The following ZNF24 variants were observed in gnomAD, a reference collection of about 807,000 sequenced individuals.
ZNF24 encodes zinc finger protein 24, also known as retinoic acid suppression protein A.
A neutral mutation model predicts 40.9 loss-of-function variants in ZNF24; 11 were observed. The ratio of observed to expected loss-of-function variants is 0.27; its 90% confidence interval spans 0.17 to 0.45. ZNF24 has a LOEUF of 0.45. Among genes scored for constraint, ZNF24 ranks in the 20% least tolerant of loss-of-function variants. The probability of loss-of-function intolerance (pLI) is 1.00; values close to 1 mark genes in which losing one functional copy is unlikely to be tolerated. For missense variants in ZNF24, 293 were observed against 437.7 expected (o/e 0.67, Z 2.95); for synonymous variants, 139 against 154.7 (o/e 0.90, Z 0.75).
Position 35,332,363 on chromosome 18 carries a change from T to C in ZNF24, c.*4869A>G, listed in dbSNP as rs1006636764. ...TCAGAACAGAAACTCAATTCAATTA[T>C]CTTAAACAAGAAAGGGACTTTATTG... On this transcript the variant is annotated 3_prime_UTR_variant, in exon 4 of 4. Transcript: ENST00000261332. The C allele has an allele frequency of 1.1e-4, 16 of 152,338 alleles. No individual in the cohort carries two copies. Among genetic ancestry groups the C allele is most frequent in the African/African-American group, 3.6e-4 (15 of 41,570 alleles). 9.4% of individuals were successfully genotyped at this position (152,338 alleles called of 1,614,324 possible). A position where few individuals can be genotyped will look rare whatever the true frequency, so the allele number is the denominator to read the frequency against.
chr18:35,338,262 A>C (rs1039759281), intron 3 of ZNF24: 1 of 985,678 alleles, frequency 1.0e-6, no homozygotes, highest in African/African-American at 1.7e-5. Context: ...AGCCAATGTT[A>C]GCCTAAAAGC....
rs531655410 is a variant in ZNF24 at position 35,338,904 on chromosome 18, G to A, written c.568+925C>T. 6.3e-6 allele frequency: 9 copies of A among 1,429,216 alleles called. No homozygotes were observed. The East Asian group carries it at 1.3e-4, about 20-fold the overall frequency. The allele number at this position is 1,429,216 out of a possible 1,614,324, so 88.5% of individuals were successfully genotyped here. On this transcript the variant is annotated intron_variant, in intron 3 of 3. Transcript: ENST00000261332. ...AGAATGATACTTCTCAAACTTTATTGCACAGAAGAATGTCCCATGAAACAT... is the reference window on the plus strand; with the variant it reads ...AGAATGATACTTCTCAAACTTTATTACACAGAAGAATGTCCCATGAAACAT...
Position 35,337,827 on chromosome 18 carries a change from T to TA in ZNF24, c.569-58dup, listed in dbSNP as rs869251561. 76 of 1,460,018 alleles carry TA rather than the reference T, an allele frequency of 5.2e-5. No individual in the cohort carries two copies. The South Asian group carries it at 8.9e-4, about 17-fold the overall frequency. The allele number at this position is 1,460,018 out of a possible 1,614,324, so 90.4% of individuals were successfully genotyped here. ...ATTATCTATTAAGGGAAAAGAAACC[T>TA]AAAAAAAATTTTTTTTTTAATGAAC... On this transcript the variant is annotated intron_variant, in intron 3 of 3. Coordinates refer to ENST00000261332, the MANE Select transcript of ZNF24 (RefSeq NM_006965.4).
chr18:35,343,719 CT>C (rs2044990055), intron 1 of ZNF24: 1 of 152,240 alleles, frequency 6.6e-6, no homozygotes, highest in South Asian at 2.1e-4. Context: ...ATAATTTTCT[CT>C]TCCTTTTATG....
Position 35,340,233 on chromosome 18 carries a change from G to T in ZNF24, c.418C>A (p.Pro140Thr). The T allele has an allele frequency of 6.2e-7, 1 of 1,609,512 alleles. No homozygotes were observed. ...LESELDDPGQ[P>T]VSLRRRKREV... ...GGAAATGACACAAGCAGGCTCACCG[G>T]TTGTCCAGGGTCATCAAGTTCACTC... Residue 140 changes from proline to threonine, a missense_variant and splice_region_variant, in exon 2 of 4, where the codon CCG becomes ACG. Transcript: ENST00000261332. This position sits in a 1 kb window ranked among gnomAD's most constrained non-coding sequence, Gnocchi z 4.6.
At chr18:35,339,349 G>C (rs2044943315) in intron 3 of ZNF24, among the ~76,000 whole-genome samples, 1 of 152,144 alleles carries the variant, frequency 6.6e-6, no homozygotes, top group Non-Finnish European at 1.5e-5. Flanking sequence ...TTCTACAAAA[G>C]AAGCTTCTTA....
intron 3 of ZNF24, among the ~76,000 whole-genome samples, chr18:35,339,563 G>C (rs2044945411): frequency 6.6e-6 from 1 of 152,192 alleles, no homozygotes; most frequent in African/African-American, 2.4e-5. Context: ...TGGTCCATGG[G>C]TGGGTGCTGG....
In ZNF24 at chr18:35,336,712, T is replaced by A. The variant is rs2044914310; in HGVS notation, c.*520A>T. The A allele has an allele frequency of 6.6e-6, 1 of 152,228 alleles. No homozygotes were observed. The highest frequency in any genetic ancestry group is 1.5e-5 in the Non-Finnish European group (1 of 68,052). 9.4% of individuals were successfully genotyped at this position (152,228 alleles called of 1,614,324 possible). On this transcript the variant is annotated 3_prime_UTR_variant, in exon 4 of 4. Coordinates refer to ENST00000261332, the MANE Select transcript of ZNF24 (RefSeq NM_006965.4). ...CTTATCTGAGATCTTATGGTTCATT[T>A]TGAGGCTCTTAGCCATCCTTTATCC...
At position 35,333,341 on chromosome 18, in the gene ZNF24, T is replaced by G. The variant is rs542088519; in HGVS notation, c.*3891A>C. The G allele has an allele frequency of 1.3e-5, 2 of 152,210 alleles. No homozygotes were observed. Among genetic ancestry groups the G allele is most frequent in the Admixed American group, 6.5e-5 (1 of 15,282 alleles). 9.4% of individuals were successfully genotyped at this position (152,210 alleles called of 1,614,324 possible). Reference sequence around the variant, plus strand: ...CCTATTTATGTAAAAAGTGTTTTTATGTGTATGTATATTCGTACGGAAAGG... The same window carrying G: ...CCTATTTATGTAAAAAGTGTTTTTAGGTGTATGTATATTCGTACGGAAAGG... On this transcript the variant is annotated 3_prime_UTR_variant, in exon 4 of 4. Coordinates refer to ENST00000261332, the MANE Select transcript of ZNF24 (RefSeq NM_006965.4).
At chr18:35,344,073 C>G (rs2044994105) in intron 1 of ZNF24, 1 of 152,408 alleles carries the variant, frequency 6.6e-6, no homozygotes, top group Non-Finnish European at 1.5e-5. Flanking sequence ...CGCGAGACGC[C>G]AGGGCCTCGA....
Position 35,340,794 on chromosome 18 carries a change from A to T in ZNF24, c.-83-61T>A, listed in dbSNP as rs2044962187. 2 of 724,190 alleles carry T rather than the reference A, an allele frequency of 2.8e-6. No homozygotes were observed. The highest frequency in any genetic ancestry group is 4.4e-5 in the South Asian group (2 of 45,752). 44.9% of individuals were successfully genotyped at this position (724,190 alleles called of 1,614,324 possible). On this transcript the variant is annotated intron_variant, in intron 1 of 3. Transcript: ENST00000261332. The surrounding 1 kb of genome is among the most constrained non-coding windows in gnomAD (Gnocchi z 4.6). ...AAAAATATCCTAAGAATTTGAACTT[A>T]TACTGGTAAAAGTAAAAGATACTTG...
rs2044957426 is a variant in ZNF24 at position 35,340,470 on chromosome 18, G to C, written c.181C>G (p.Gln61Glu). The change falls in exon 2 of 4, where the codon CAG becomes GAG. Residue 61 changes from glutamine to glutamate, a missense_variant. Coordinates refer to ENST00000261332, the MANE Select transcript of ZNF24 (RefSeq NM_006965.4). The surrounding 1 kb of genome is among the most constrained non-coding windows in gnomAD (Gnocchi z 4.6). ...FRQRFRQFGY[Q>E]DSPGPREAVS... ...GCCTCACGGGGCCCAGGTGAATCCT[G>C]GTATCCAAACTGCCTGAATCGCTGT... is the stretch of plus-strand genomic sequence containing the variant. 1.2e-6 allele frequency: 2 copies of C among 1,614,212 alleles called. No homozygotes were observed. Among genetic ancestry groups the C allele is most frequent in the Non-Finnish European group, 1.7e-6 (2 of 1,180,036 alleles).
chr18:35,340,828 G>GT lies in ZNF24; in HGVS notation c.-83-96dup. 1.6e-6 allele frequency: 1 copy of GT among 632,434 alleles called. No individual in the cohort carries two copies. 39.2% of individuals were successfully genotyped at this position (632,434 alleles called of 1,614,324 possible). On this transcript the variant is annotated intron_variant, in intron 1 of 3. Transcript: ENST00000261332. The surrounding 1 kb of genome is among the most constrained non-coding windows in gnomAD (Gnocchi z 4.6). Reference sequence around the variant, plus strand: ...AAAGTAAAAGATACTTGTTCTTTGAGTTAAAAATTCCAATCAATAACCTAC... The same window carrying GT: ...AAAGTAAAAGATACTTGTTCTTTGAGTTTAAAAATTCCAATCAATAACCTAC...
rs747053513 is a variant in ZNF24, at chr18:35,339,846, T to C, written c.551A>G (p.His184Arg). 1 of 1,608,792 alleles carries C rather than the reference T, an allele frequency of 6.2e-7. No homozygotes were observed. The highest frequency in any genetic ancestry group is 1.1e-5 in the South Asian group (1 of 90,904). Reference protein sequence around the residue: ...NQLKWASWELHSLRHCDDDGR... With the variant: ...NQLKWASWELRSLRHCDDDGR... ...GTCCTCACCACAGTGCCTTAGGGAA[T>C]GGAGCTCCCAGGATGCCCACTTGAG... The change falls in exon 3 of 4, where the codon CAT (histidine) becomes CGT (arginine). Residue 184 changes from histidine to arginine, a missense_variant. This residue lies in a region of ZNF24 where 234 missense variants were observed against 299.2 expected (regional missense o/e 0.78). Coordinates refer to ENST00000261332, the MANE Select transcript of ZNF24 (RefSeq NM_006965.4).
Position 35,340,979 on chromosome 18 carries a change from G to A in ZNF24, c.-83-246C>T, listed in dbSNP as rs35775219. On this transcript the variant is annotated intron_variant, in intron 1 of 3. Coordinates refer to ENST00000261332, the MANE Select transcript of ZNF24 (RefSeq NM_006965.4). The surrounding 1 kb of genome is among the most constrained non-coding windows in gnomAD (Gnocchi z 4.6). ...TGTGGTCTTCATCACAGTGCCTTAC[G>A]GAGCGGAGATCCCTAAAATCAAATG... 0.28 allele frequency among the ~76,000 whole-genome samples: 42,902 copies of A among 151,908 alleles called. 7,147 individuals are homozygous for A. The highest frequency in any genetic ancestry group is 0.38 in the Non-Finnish European group (25,851 of 67,942).
In ZNF24 at chr18:35,340,192, C is replaced by T; in HGVS notation, c.420+39G>A. 1 of 1,596,776 alleles carries T rather than the reference C, an allele frequency of 6.3e-7. No homozygotes were observed. Among genetic ancestry groups the T allele is most frequent in the Non-Finnish European group, 8.6e-7 (1 of 1,168,082 alleles). On this transcript the variant is annotated intron_variant, in intron 2 of 3. Coordinates refer to ENST00000261332, the MANE Select transcript of ZNF24 (RefSeq NM_006965.4). The surrounding 1 kb of genome is among the most constrained non-coding windows in gnomAD (Gnocchi z 4.6). ...CAGCAGCTTTGCCTACTACCTATGC[C>T]AGTGCTTCTGACACAGGAAATGACA... is the stretch of plus-strand genomic sequence containing the variant.
chr18:35,339,696 C>A, intron 3 of ZNF24, 133 bp downstream of exon 3: 1 of 774,592 alleles, frequency 1.3e-6, no homozygotes, highest in African/African-American at 1.8e-5. Context: ...GCAAAATCAA[C>A]TTAATCAGAA....
Position 35,339,960 on chromosome 18 carries a change from C to T in ZNF24, c.437G>A (p.Arg146Gln), listed in dbSNP as rs771074537. 16 of 1,608,964 alleles carry T rather than the reference C, an allele frequency of 9.9e-6. No homozygotes were observed. The highest frequency in any genetic ancestry group is 6.7e-5 in the East Asian group (3 of 44,670). The change falls in exon 3 of 4, where the codon CGA becomes CAA. Residue 146 changes from arginine to glutamine, a missense_variant. Physicochemically the swap from Arg to Gln is conservative, Grantham distance 43. This residue lies in a region of ZNF24 where 234 missense variants were observed against 299.2 expected (regional missense o/e 0.78). Coordinates refer to ENST00000261332, the MANE Select transcript of ZNF24 (RefSeq NM_006965.4). ...DPGQPVSLRRRKREVLVEDMV... is the reference protein window; with the variant it reads ...DPGQPVSLRRQKREVLVEDMV... ...GTCTTCTACTAGTACTTCCCGTTTT[C>T]GTCGACGGAGAGAAACCTGGAAACA...
At position 35,337,674 on chromosome 18, in the gene ZNF24, C is replaced by T. The variant is rs1419868325; in HGVS notation, c.665G>A (p.Gly222Asp). Residue 222 changes from glycine (G) to aspartate (D), a missense_variant, in exon 4 of 4, where the codon GGT becomes GAT. Physicochemically the swap from Gly to Asp is moderately conservative, Grantham distance 94. Transcript: ENST00000261332. ...SHEVPGTLNM[G>D]VPQIFKYGET... is the part of the protein sequence containing the mutation. Reference sequence around the variant, plus strand: ...TCCATATTTAAAAATTTGAGGAACACCCATATTGAGAGTGCCAGGAACTTC... The same window carrying T: ...TCCATATTTAAAAATTTGAGGAACATCCATATTGAGAGTGCCAGGAACTTC... 6.2e-7 allele frequency: 1 copy of T among 1,613,678 alleles called. No homozygotes were observed. The highest frequency in any genetic ancestry group is 8.5e-7 in the Non-Finnish European group (1 of 1,179,982).
Sources: allele counts gnomAD v4.1 joint callset (sites outside exome capture counted in the v4.1 genomes callset), GRCh38; gene constraint gnomAD v4.1.1; regional missense constraint gnomAD v4.1.1; non-coding constraint Gnocchi (gnomAD v3.1); transcripts MANE v1.5; gene names NCBI Gene and HGNC (gene_info 2026-07-23, HGNC 2026-07-21).